Variants in ZNF564 observed in about 807,000 individuals in gnomAD.
ZNF564 encodes the protein zinc finger protein 564.
ZNF564 carries 5 observed loss-of-function variants against 10.5 expected under a neutral mutation model. The ratio of observed to expected loss-of-function variants is 0.48; its 90% CI spans 0.25 to 1.00. ZNF564 has a LOEUF of 1.00. ZNF564 is among the 50% of genes least tolerant of loss of function. ZNF564 has a pLI of 0.16. For synonymous variants in ZNF564, 242 were observed against 218.1 expected (o/e 1.11, Z -0.97); for missense variants, 603 against 669.7 (o/e 0.90, Z 1.10).
chr19:12,526,409 T>C lies in ZNF564; in HGVS notation c.*37A>G, dbSNP rs746746768. On this transcript the variant is annotated 3_prime_UTR_variant, in exon 4 of 4. Transcript: ENST00000339282. ...AAAGCAAACTGAAGACTTTCCATAT[T>C]CTTTAGATATGTAGATACTTGTAGA... The C allele has an allele frequency of 6.6e-6, 10 of 1,519,340 alleles. No homozygotes were observed. Among genetic ancestry groups the C allele is most frequent in the Middle Eastern group, 1.8e-4 (1 of 5,586 alleles). The allele number at this position is 1,519,340 out of a possible 1,614,324, so 94.1% of individuals were successfully genotyped here.
chr19:12,528,411 G>T, intron 2 of ZNF564, 47 bp from the exon 3 acceptor site: 1 of 1,575,270 alleles, frequency 6.3e-7, no homozygotes. Flanking sequence ...AGACATTACA[G>T]AAAAATGACT....
At chr19:12,540,660 C>T (rs1388752448) in intron 1 of ZNF564, among the ~76,000 whole-genome samples, 2 of 152,198 alleles carry the variant, frequency 1.3e-5, no homozygotes, top group South Asian at 2.1e-4. Flanking sequence ...CGCCACCATC[C>T]TGGCTAACAT....
chr19:12,532,234 T>A (rs559002133), intron 1 of ZNF564, among the ~76,000 whole-genome samples: 4 of 150,496 alleles, frequency 2.7e-5, no homozygotes, highest in African/African-American at 4.9e-5. Context: ...TAAAAAAAAT[T>A]TAAAAAAAAA....
chr19:12,526,337 G>A lies in ZNF564; in HGVS notation c.*109C>T. 1 of 1,141,788 alleles carries A rather than the reference G, an allele frequency of 8.8e-7. No homozygotes were observed. Among genetic ancestry groups the A allele is most frequent in the South Asian group, 1.6e-5 (1 of 61,664 alleles). The allele number at this position is 1,141,788 out of a possible 1,614,324, so 70.7% of individuals were successfully genotyped here. On this transcript the variant is annotated 3_prime_UTR_variant, in exon 4 of 4. Transcript: ENST00000339282. ...GGATAGAGATTCCTATTCCAAAAGTGAGAAACAGGAGAAAGGGGTGAGCTC... is the reference window on the plus strand; with the variant it reads ...GGATAGAGATTCCTATTCCAAAAGTAAGAAACAGGAGAAAGGGGTGAGCTC...
At chr19:12,548,895 G>A in intron 1 of ZNF564, 1 of 701,796 alleles carries the variant, frequency 1.4e-6, no homozygotes. Flanking sequence ...GAGAATCTCT[G>A]TATTTCACCA....
rs917324415 is a variant in ZNF564, at chr19:12,527,508, C to T, written c.600G>A (p.Gln200=). 3 of 1,614,122 alleles carry T rather than the reference C, an allele frequency of 1.9e-6. No homozygotes were observed. The African/African-American group carries it at 4.0e-5, about 22-fold the overall frequency. Residue 200 remains glutamine, a synonymous_variant, in exon 4 of 4, where the codon CAG becomes CAA. Transcript: ENST00000339282. ...KHTGDGPYKC[Q]ECGKAFDRPS... The stretch of plus-strand genomic sequence containing the variant: ...GGCGATCAAAGGCTTTCCCACATTC[C>T]TGACATTTATATGGTCCATCTCCAG...
chr19:12,551,476 G>C lies in ZNF564; in HGVS notation c.-144C>G. ...ACCCAAACGCAGCGGACACGAAACA[G>C]GAAGACCCCGCGGAGTTGTTGAACA... On this transcript the variant is annotated 5_prime_UTR_variant, in exon 1 of 4. Transcript: ENST00000339282. 2 of 1,414,584 alleles carry C rather than the reference G, an allele frequency of 1.4e-6. No individual in the cohort carries two copies. Among genetic ancestry groups the C allele is most frequent in the Non-Finnish European group, 1.8e-6 (2 of 1,087,476 alleles). The allele number at this position is 1,414,584 out of a possible 1,614,324, so 87.6% of individuals were successfully genotyped here.
intron 1 of ZNF564, among the ~76,000 whole-genome samples, chr19:12,538,692 C>A (rs2021969305): frequency 6.6e-6 from 1 of 151,978 alleles, no homozygotes; most frequent in South Asian, 2.1e-4. Flanking sequence ...AGCCTGTAAT[C>A]CCAGCTACTT....
At chr19:12,551,222 C>T in intron 1 of ZNF564, 108 bp downstream of exon 1, 1 of 1,333,906 alleles carries the variant, frequency 7.5e-7, no homozygotes, top group Non-Finnish European at 1.0e-6. Context: ...ACTCGGGTCC[C>T]AGACCCTGGA....
chr19:12,526,622 C>A lies in ZNF564; in HGVS notation c.1486G>T (p.Glu496Ter). 4.3e-6 allele frequency: 7 copies of A among 1,614,102 alleles called. No homozygotes were observed. The highest frequency in any genetic ancestry group is 5.9e-6 in the Non-Finnish European group (7 of 1,180,020). Reference sequence around the variant, plus strand: ...GGTTTTTCTCCGGTATGAGTTCTTTCATGTATTCTAATGGAACTGGCATAA... The same window carrying A: ...GGTTTTTCTCCGGTATGAGTTCTTTAATGTATTCTAATGGAACTGGCATAA... ...FNYASSIRIH[E>*]RTHTGEKPYE... The change falls in exon 4 of 4, where the codon GAA becomes TAA. Residue 496 changes from glutamate (E) to a stop codon, truncating the protein, a stop_gained. Coordinates refer to ENST00000339282, the MANE Select transcript of ZNF564 (RefSeq NM_144976.4). LOFTEE classifies it low-confidence loss of function (END_TRUNC).
chr19:12,547,267 T>A (rs1411380767), intron 1 of ZNF564, among the ~76,000 whole-genome samples: 1 of 152,100 alleles, frequency 6.6e-6, no homozygotes, highest in Non-Finnish European at 1.5e-5. Flanking sequence ...TGTGTACAGG[T>A]TAGTCTCAAA....
Position 12,527,042 on chromosome 19 carries a change from C to G in ZNF564, c.1066G>C (p.Glu356Gln), listed in dbSNP as rs1300505696. ...GGCTTCTCTCCAGTGTGAGTCCTTTCATGTGTTCGAACATTACTGGAAGAA... is the reference window on the plus strand; with the variant it reads ...GGCTTCTCTCCAGTGTGAGTCCTTTGATGTGTTCGAACATTACTGGAAGAA... ...FSSSSNVRTHERTHTGEKPYE... is the reference protein window; with the variant it reads ...FSSSSNVRTHQRTHTGEKPYE... Residue 356 changes from glutamate to glutamine, a missense_variant, in exon 4 of 4, where the codon GAA (glutamate) becomes CAA (glutamine). Coordinates refer to ENST00000339282, the MANE Select transcript of ZNF564 (RefSeq NM_144976.4). 2.5e-6 allele frequency: 4 copies of G among 1,613,980 alleles called. No individual in the cohort carries two copies. The highest frequency in any genetic ancestry group is 3.4e-6 in the Non-Finnish European group (4 of 1,180,018).
chr19:12,535,524 G>C (rs1333632628), intron 1 of ZNF564, among the ~76,000 whole-genome samples: 4 of 152,172 alleles, frequency 2.6e-5, no homozygotes, highest in African/African-American at 9.6e-5. Context: ...AGGATGCAAA[G>C]GGCAGATGAA....
intron 1 of ZNF564, among the ~76,000 whole-genome samples, chr19:12,535,207 T>C (rs1415494530): frequency 6.6e-6 from 1 of 151,702 alleles, no homozygotes; most frequent in Admixed American, 6.6e-5. Context: ...ACCTCATCTC[T>C]ACTAAAAATA....
chr19:12,550,288 G>A (rs1456325131), intron 1 of ZNF564: 1 of 147,004 alleles, frequency 6.8e-6, no homozygotes, highest in African/African-American at 2.6e-5. Flanking sequence ...GCGAAACTCT[G>A]TCTCAAAAAA....
chr19:12,530,875 T>C (rs921400014), intron 1 of ZNF564, among the ~76,000 whole-genome samples: 1 of 152,150 alleles, frequency 6.6e-6, no homozygotes, highest in Non-Finnish European at 1.5e-5. Context: ...CATGTGATCC[T>C]CCCTCCTGAG....
chr19:12,542,388 G>A (rs73002309), intron 1 of ZNF564, among the ~76,000 whole-genome samples: 9,297 of 151,410 alleles, frequency 0.061, 337 homozygotes, highest in African/African-American at 0.1. Context: ...AGCATTCTGG[G>A]AGGCCAAGGT....
At chr19:12,533,727 CAAAA>C (rs59631972) in intron 1 of ZNF564, among the ~76,000 whole-genome samples, 8 of 29,174 alleles carry the variant, frequency 2.7e-4, no homozygotes, top group South Asian at 3.4e-3. Context: ...CTGCTGTCTC[CAAAA>C]AAAAAAAAAA....
chr19:12,538,469 C>CA (rs1018327893), intron 1 of ZNF564, among the ~76,000 whole-genome samples: 1 of 151,660 alleles, frequency 6.6e-6, no homozygotes, highest in Non-Finnish European at 1.5e-5. Flanking sequence ...ACTAAAAATA[C>CA]AAAAAAATTA....
Sources: allele counts gnomAD v4.1 joint callset (sites outside exome capture counted in the v4.1 genomes callset), GRCh38; gene constraint gnomAD v4.1.1; transcripts MANE v1.5; gene names NCBI Gene and HGNC (gene_info 2026-07-23, HGNC 2026-07-21).